The following EIF2A variants were observed in gnomAD, a reference collection of about 807,000 sequenced individuals.
EIF2A encodes 65 kDa eukaryotic translation initiation factor 2A.
Under a neutral mutation model 75.2 loss-of-function variants are expected in EIF2A, and 62 were observed. The ratio of observed to expected loss-of-function variants is 0.82; its 90% CI spans 0.67 to 1.02. The LOEUF (loss-of-function observed/expected upper bound fraction) is 1.02. Among genes scored for constraint, EIF2A ranks in the 50% least tolerant of loss-of-function variants. The pLI is 0.00. For synonymous variants in EIF2A, 207 were observed against 239.0 expected, an observed-to-expected ratio of 0.87 and a Z score of 1.23; for missense variants, 611 against 677.7, an observed-to-expected ratio of 0.90 and a Z score of 1.09.
chr3:150,552,533 A>G, intron 2 of EIF2A, 108 bp downstream of exon 2: 1 of 831,238 alleles, frequency 1.2e-6, no homozygotes, highest in Middle Eastern at 2.9e-4. Context: ...AGATGAACTC[A>G]TTTTTATTGT....
chr3:150,561,439 G>A (rs527636026), intron 3 of EIF2A, among the ~76,000 whole-genome samples: 185 of 152,220 alleles, frequency 1.2e-3, no homozygotes, highest in Non-Finnish European at 2.2e-3. Context: ...TTAGCCAGGC[G>A]TGGTGGCATG....
At chr3:150,558,743 A>C (rs1559876384) in intron 3 of EIF2A, 1 of 184,128 alleles carries the variant, frequency 5.4e-6, no homozygotes, top group Non-Finnish European at 1.1e-5. Flanking sequence ...GCTCTAAGTT[A>C]TTGGTTGGAG....
intron 2 of EIF2A, among the ~76,000 whole-genome samples, chr3:150,555,504 C>G (rs1461871395): frequency 6.6e-6 from 1 of 151,902 alleles, no homozygotes; most frequent in African/African-American, 2.4e-5. Context: ...GTGATTCACC[C>G]TCCTTGGCCT....
At chr3:150,552,836 T>C (rs1723382105) in intron 2 of EIF2A, 1 of 153,070 alleles carries the variant, frequency 6.5e-6, no homozygotes, top group African/African-American at 2.4e-5. Flanking sequence ...TATAGCTAGC[T>C]AGATTAATTT....
intron 1 of EIF2A, 53 bp downstream of exon 1, chr3:150,546,883 T>C: frequency 7.5e-6 from 12 of 1,606,150 alleles, no homozygotes; most frequent in Non-Finnish European, 1.0e-5. Context: ...TTTCTTATTT[T>C]TGTCTTTGCC....
At chr3:150,570,056 AAAAT>A (rs540745794) in intron 9 of EIF2A, among the ~76,000 whole-genome samples, 2 of 152,332 alleles carry the variant, frequency 1.3e-5, no homozygotes, top group South Asian at 4.1e-4. Flanking sequence ...TCTTCTTCAC[AAAAT>A]AAATTCTGGT....
At chr3:150,571,909 A>G (rs777251347) in intron 9 of EIF2A, 49 bp from the exon 10 acceptor site, 1 of 1,508,636 alleles carries the variant, frequency 6.6e-7, no homozygotes, top group Non-Finnish European at 8.9e-7. Context: ...GCTAACAAAT[A>G]TTTATATAGT....
Position 150,558,406 on chromosome 3 carries a change from C to A in EIF2A, c.117C>A (p.Cys39Ter). 2.0e-6 allele frequency: 3 copies of A among 1,524,756 alleles called. No individual in the cohort carries two copies. Among genetic ancestry groups the A allele is most frequent in the Non-Finnish European group, 2.6e-6 (3 of 1,144,270 alleles). The allele number at this position is 1,524,756 out of a possible 1,614,324, so 94.5% of individuals were successfully genotyped here. A position where few individuals can be genotyped will look rare whatever the true frequency, so the allele number is the denominator to read the frequency against. Residue 39 changes from cysteine to a stop codon, truncating the protein, a stop_gained, in exon 3 of 14, where the codon TGC becomes TGA. Transcript: ENST00000460851. LOFTEE classifies it high-confidence loss of function. The stretch of plus-strand genomic sequence containing the variant: ...TTTTCAGGGAATCTGGGAAGAATTG[C>A]AAAGTCTGTATCTTTAGTAAGGATG... Reference protein sequence around the residue: ...TVFPRESGKNCKVCIFSKDGT... With the variant: ...TVFPRESGKN
intron 2 of EIF2A, among the ~76,000 whole-genome samples, chr3:150,555,741 C>T (rs1180739898): frequency 6.8e-6 from 1 of 146,002 alleles, no homozygotes; most frequent in Non-Finnish European, 1.5e-5. Flanking sequence ...AAACAAAAAA[C>T]AAAAAAAAAA....
In EIF2A at chr3:150,547,098, AAAAC is replaced by A. The variant is rs1317910838; in HGVS notation, c.28+271_28+274del. On this transcript the variant is annotated intron_variant, in intron 1 of 13. Coordinates refer to ENST00000460851, the MANE Select transcript of EIF2A (RefSeq NM_032025.5). ...CTACAGAAATAGAAGAAGGGGGAGA[AAAAC>A]AATGTGCTAGTTGAATTTGTGACAC... 3 of 538,954 alleles carry A rather than the reference AAAAC, an allele frequency of 5.6e-6. No homozygotes were observed. The African/African-American group carries it at 5.7e-5, about 10-fold the overall frequency. 33.4% of individuals were successfully genotyped at this position (538,954 alleles called of 1,614,324 possible).
At chr3:150,547,886 T>C (rs1723128531) in intron 1 of EIF2A, among the ~76,000 whole-genome samples, 1 of 152,180 alleles carries the variant, frequency 6.6e-6, no homozygotes, top group South Asian at 2.1e-4. Flanking sequence ...AAAGGCAAAG[T>C]TACATAATAA....
intron 9 of EIF2A, among the ~76,000 whole-genome samples, chr3:150,568,951 CTGT>C (rs1724348171): frequency 6.6e-6 from 1 of 152,152 alleles, no homozygotes. Context: ...ACCACTTCAT[CTGT>C]TGTTTTAATG....
In EIF2A at chr3:150,572,303, G is replaced by T. The variant is rs1215960587; in HGVS notation, c.1157G>T (p.Gly386Val). 1 of 1,613,766 alleles carries T rather than the reference G, an allele frequency of 6.2e-7. No homozygotes were observed. Among genetic ancestry groups the T allele is most frequent in the East Asian group, 2.2e-5 (1 of 44,886 alleles). Residue 386 changes from glycine (G) to valine (V), a missense_variant, in exon 10 of 14, where the codon GGA (glycine) becomes GTA (valine). Gly to Val is a moderately radical substitution (Grantham distance 109). Coordinates refer to ENST00000460851, the MANE Select transcript of EIF2A (RefSeq NM_032025.5). ...GCTCCCAGGTTACGGGTTAATAATGGATACAAAATTTGGCATTATACTGGC... is the reference window on the plus strand; with the variant it reads ...GCTCCCAGGTTACGGGTTAATAATGTATACAAAATTTGGCATTATACTGGC... The part of the protein sequence containing the change: ...TCAPRLRVNN[G>V]YKIWHYTGSI...
In EIF2A at chr3:150,575,751, G is replaced by A. The variant is rs954701933; in HGVS notation, c.1486G>A (p.Ala496Thr). The change falls in exon 11 of 14, where the codon GCT (alanine) becomes ACT (threonine). Residue 496 changes from alanine (A) to threonine (T), a missense_variant. By Grantham distance (58) the Ala-to-Thr change is moderately conservative. Coordinates refer to ENST00000460851, the MANE Select transcript of EIF2A (RefSeq NM_032025.5). ...KNQRKHEAKK[A>T]AKQEARSDKS... Reference sequence around the variant, plus strand: ...TCAAAGGAAGCATGAAGCTAAGAAAGCTGCAAAGCAGGTATTTGGGGCACT... The same window carrying A: ...TCAAAGGAAGCATGAAGCTAAGAAAACTGCAAAGCAGGTATTTGGGGCACT... 6 of 1,609,876 alleles carry A rather than the reference G, an allele frequency of 3.7e-6. No individual in the cohort carries two copies. The highest frequency in any genetic ancestry group is 3.4e-5 in the Admixed American group (2 of 59,242).
intron 11 of EIF2A, among the ~76,000 whole-genome samples, chr3:150,578,951 A>G (rs1725027013): frequency 6.6e-6 from 1 of 152,238 alleles, no homozygotes; most frequent in South Asian, 2.1e-4. Context: ...GAGTTGAAAC[A>G]TAAGAATTTA....
intron 11 of EIF2A, among the ~76,000 whole-genome samples, chr3:150,577,054 T>G (rs537332698): frequency 6.6e-6 from 1 of 152,288 alleles, no homozygotes; most frequent in East Asian, 1.9e-4. Flanking sequence ...TGCTCACAGT[T>G]CTAGAAGCTG....
chr3:150,563,941 C>T (rs1386102619), intron 5 of EIF2A, among the ~76,000 whole-genome samples: 2 of 152,160 alleles, frequency 1.3e-5, no homozygotes, highest in African/African-American at 4.8e-5. Context: ...GCCTCAGCCT[C>T]CCAAGTAGCT....
intron 2 of EIF2A, chr3:150,552,651 C>A: frequency 2.8e-6 from 1 of 359,738 alleles, no homozygotes; most frequent in African/African-American, 2.1e-5. Flanking sequence ...GGGAACAATA[C>A]TAAGAAAAAG....
At chr3:150,559,182 T>C (rs1723720128) in intron 3 of EIF2A, among the ~76,000 whole-genome samples, 1 of 152,240 alleles carries the variant, frequency 6.6e-6, no homozygotes, top group Non-Finnish European at 1.5e-5. Context: ...AAGTAAATTT[T>C]AAACATTGTT....
Sources: gnomAD v4.1 joint callset for allele counts (sites outside exome capture counted in the v4.1 genomes callset) on GRCh38, gnomAD v4.1.1 for gene constraint, MANE v1.5 for transcripts, NCBI Gene and HGNC (gene_info 2026-07-23, HGNC 2026-07-21) for gene names.